Variants in ALG9 observed in about 807,000 individuals in gnomAD.
The protein encoded by ALG9 is alpha-1,2-mannosyltransferase ALG9.
A neutral mutation model predicts 81.8 loss-of-function variants in ALG9; 55 were observed. The ratio of observed to expected loss-of-function variants is 0.67; its 90% confidence interval spans 0.54 to 0.84. ALG9 has a LOEUF of 0.84. Ranked by LOEUF, ALG9 falls within the 40% of genes least tolerant of loss-of-function variation. ALG9 has a pLI of 0.00. For synonymous variants in ALG9, 278 were observed against 274.3 expected (o/e 1.01, Z -0.13); for missense variants, 629 against 745.0 (o/e 0.84, Z 1.81).
chr11:111,806,930 C>A (rs1247518576), intron 14 of ALG9, among the ~76,000 whole-genome samples: 1 of 152,132 alleles, frequency 6.6e-6, no homozygotes, highest in Non-Finnish European at 1.5e-5. Flanking sequence ...GGATCAAAAT[C>A]CCTAGGATCA....
chr11:111,802,690 G>A (rs187317879), intron 14 of ALG9, among the ~76,000 whole-genome samples: 15 of 152,030 alleles, frequency 9.9e-5, no homozygotes, highest in Non-Finnish European at 1.5e-4. Context: ...AAAACACCCC[G>A]GTTAAATTTA....
At chr11:111,832,739 T>A (rs1555114206) in intron 13 of ALG9, among the ~76,000 whole-genome samples, 1 of 152,212 alleles carries the variant, frequency 6.6e-6, no homozygotes, top group Non-Finnish European at 1.5e-5. Context: ...ATGACCAATC[T>A]ATGTTTTCAA....
chr11:111,838,414 T>C lies in ALG9; in HGVS notation c.1174-15A>G. The C allele has an allele frequency of 1.3e-6, 2 of 1,597,130 alleles. No individual in the cohort carries two copies. The highest frequency in any genetic ancestry group is 2.2e-5 in the South Asian group (2 of 90,396). ...AGAAAACTGTGCTGATAAAAGAAAA[T>C]ATAATTTGTAGAATATACATAATTA... On this transcript the variant is annotated splice_polypyrimidine_tract_variant and intron_variant, in intron 10 of 14. Transcript: ENST00000616540.
chr11:111,853,395 C>T lies in ALG9; in HGVS notation c.880G>A (p.Gly294Arg). The T allele has an allele frequency of 6.2e-6, 10 of 1,613,592 alleles. No individual in the cohort carries two copies. Among genetic ancestry groups the T allele is most frequent in the Non-Finnish European group, 8.5e-6 (10 of 1,179,612 alleles). The part of the protein sequence containing the change: ...IVLYNVFTPH[G>R]PDLYGTEPWY... ...AAAGCCTTACCATAAAGATCAGGTC[C>T]ATGAGGAGTAAAGACATTATACAAA... The change falls in exon 8 of 15, where the codon GGA becomes AGA. Residue 294 changes from glycine (G) to arginine (R), a missense_variant. Physicochemically the swap from Gly to Arg is moderately radical, Grantham distance 125. Coordinates refer to ENST00000616540, the MANE Select transcript of ALG9 (RefSeq NM_024740.2).
At chr11:111,868,899 C>T (rs1253964258) in intron 2 of ALG9, among the ~76,000 whole-genome samples, 163 bp from the exon 3 acceptor site, 1 of 151,876 alleles carries the variant, frequency 6.6e-6, no homozygotes, top group Non-Finnish European at 1.5e-5. Flanking sequence ...GGCAAGCAGG[C>T]TGCTTGAGCC....
At chr11:111,824,683 G>C (rs567278094) in intron 13 of ALG9, among the ~76,000 whole-genome samples, 2 of 152,246 alleles carry the variant, frequency 1.3e-5, no homozygotes, top group East Asian at 3.9e-4. Flanking sequence ...ATTATTATCA[G>C]TTCCTGCTAT....
At chr11:111,809,998 T>C (rs1347273216) in intron 13 of ALG9, among the ~76,000 whole-genome samples, 1 of 152,174 alleles carries the variant, frequency 6.6e-6, no homozygotes, top group Admixed American at 6.5e-5. Context: ...GGTCTGATTC[T>C]AGGTTGAGTT....
intron 14 of ALG9, among the ~76,000 whole-genome samples, chr11:111,791,962 A>C (rs1947493156): frequency 6.6e-6 from 1 of 152,226 alleles, no homozygotes; most frequent in Admixed American, 6.5e-5. Context: ...GTGCGCCTGT[A>C]ATCCCAATTA....
the ALG9 span, among the ~76,000 whole-genome samples, chr11:111,773,732 A>G: frequency 6.7e-6 from 1 of 148,672 alleles, no homozygotes; most frequent in Non-Finnish European, 1.5e-5. Context: ...CTAAATGGCT[A>G]ATACGAAAAT....
At chr11:111,850,169 A>G (rs1421987440) in intron 8 of ALG9, among the ~76,000 whole-genome samples, 1 of 152,164 alleles carries the variant, frequency 6.6e-6, no homozygotes, top group Non-Finnish European at 1.5e-5. Context: ...TTATAGTATT[A>G]TTATTTGGTA....
chr11:111,774,237 G>A, the ALG9 span, among the ~76,000 whole-genome samples: 2 of 151,998 alleles, frequency 1.3e-5, no homozygotes, highest in Non-Finnish European at 2.9e-5. Context: ...TTAGCCAGGC[G>A]TGGTGGCGCA....
At chr11:111,841,694 G>A (rs538205715) in intron 9 of ALG9, among the ~76,000 whole-genome samples, 1 of 152,290 alleles carries the variant, frequency 6.6e-6, no homozygotes, top group South Asian at 2.1e-4. Flanking sequence ...ACAAGATCAG[G>A]ATTATCGTCA....
chr11:111,810,821 T>C (rs1293893966), intron 13 of ALG9, among the ~76,000 whole-genome samples: 1 of 152,200 alleles, frequency 6.6e-6, no homozygotes, highest in Non-Finnish European at 1.5e-5. Context: ...TCAGCTAAAA[T>C]AAAGACTATT....
intron 13 of ALG9, among the ~76,000 whole-genome samples, chr11:111,819,828 C>T (rs1952043799): frequency 6.6e-6 from 1 of 152,164 alleles, no homozygotes; most frequent in South Asian, 2.1e-4. Context: ...AAGCACAATA[C>T]ACCTGGTGCC....
chr11:111,810,723 T>C (rs1361660562), intron 13 of ALG9, among the ~76,000 whole-genome samples: 2 of 152,206 alleles, frequency 1.3e-5, no homozygotes, highest in Non-Finnish European at 2.9e-5. Flanking sequence ...GCCACTGCAT[T>C]CCAGCCTGGG....
At chr11:111,770,474 T>C in the ALG9 span, among the ~76,000 whole-genome samples, 1 of 151,922 alleles carries the variant, frequency 6.6e-6, no homozygotes, top group South Asian at 2.1e-4. Flanking sequence ...TTTTGCCAGA[T>C]TCAAAAGATG....
intron 2 of ALG9, among the ~76,000 whole-genome samples, chr11:111,869,950 T>C (rs1267996783): frequency 6.6e-6 from 1 of 152,126 alleles, no homozygotes; most frequent in Non-Finnish European, 1.5e-5. Context: ...TAGCTGGGAC[T>C]ACAGGCGCCC....
At position 111,865,249 on chromosome 11, in the gene ALG9, A is replaced by C; in HGVS notation, c.408T>G (p.Ile136Met). 1.3e-6 allele frequency: 2 copies of C among 1,551,050 alleles called. No homozygotes were observed. Among genetic ancestry groups the C allele is most frequent in the Non-Finnish European group, 1.7e-6 (2 of 1,146,888 alleles). Residue 136 changes from isoleucine (I) to methionine (M), a missense_variant and splice_region_variant, in exon 4 of 15, where the codon ATT (isoleucine) becomes ATG (methionine). Ile to Met is a conservative substitution (Grantham distance 10, BLOSUM62 1). Around this residue, in one of 3 missense-constraint regions of ALG9, gnomAD observed 344 missense variants for 390.5 expected, o/e 0.88. Transcript: ENST00000616540. ...FHARILQTNK[I>M]LVFYFLRCLL... ...GACATCGCAAAAAGTAAAACACAAG[A>C]ATCTAAAAGAAACCCAGAAAAAGAA...
intron 6 of ALG9, among the ~76,000 whole-genome samples, chr11:111,854,238 A>G (rs969427102): frequency 1.4e-5 from 2 of 147,562 alleles, no homozygotes; most frequent in African/African-American, 5.1e-5. Context: ...CTGGGACTAC[A>G]GGCACAGGCC....
Sources: gnomAD v4.1 joint callset for allele counts (sites outside exome capture counted in the v4.1 genomes callset) on GRCh38, gnomAD v4.1.1 for gene constraint, gnomAD v4.1.1 regional missense constraint, MANE v1.5 for transcripts, NCBI Gene and HGNC (gene_info 2026-07-23, HGNC 2026-07-21) for gene names.